The following ROBO1 variants were observed in gnomAD, a reference collection of about 807,000 sequenced individuals.
ROBO1 encodes roundabout guidance receptor 1, also known as roundabout homolog 1.
A neutral mutation model predicts 195.9 loss-of-function variants in ROBO1; 149 were observed. The ratio of observed to expected loss-of-function variants is 0.76; its 90% CI spans 0.67 to 0.87. ROBO1 has a LOEUF of 0.87. Among genes scored for constraint, ROBO1 ranks in the 40% least tolerant of loss-of-function variants. ROBO1 has a pLI of 0.00. For synonymous variants in ROBO1, 816 were observed against 733.2 expected (o/e 1.11, Z -1.82); for missense variants, 1,933 against 2,068.3 (o/e 0.93, Z 1.27).
At chr3:79,354,634 C>T (rs963007771) in intron 2 of ROBO1, among the ~76,000 whole-genome samples, 4 of 152,158 alleles carry the variant, frequency 2.6e-5, no homozygotes, top group African/African-American at 9.7e-5. Flanking sequence ...GCACCACTGG[C>T]CAACCTTTTA....
intron 1 of ROBO1, among the ~76,000 whole-genome samples, chr3:79,658,854 A>T (rs1946246778): frequency 6.6e-6 from 1 of 151,140 alleles, no homozygotes; most frequent in African/African-American, 2.4e-5. Context: ...CTGCAACCTC[A>T]GCTTCCCAAG....
intron 3 of ROBO1, among the ~76,000 whole-genome samples, chr3:79,088,608 TAAC>T (rs796906562): frequency 6.6e-6 from 1 of 152,264 alleles, no homozygotes; most frequent in South Asian, 2.1e-4. Flanking sequence ...TTTCTTTACT[TAAC>T]AACAAAAGGA....
At chr3:78,999,364 A>C (rs951069499) in intron 3 of ROBO1, among the ~76,000 whole-genome samples, 1 of 150,072 alleles carries the variant, frequency 6.7e-6, no homozygotes, top group Non-Finnish European at 1.5e-5. Context: ...ATGCAGCCAT[A>C]AAGAAGCATG....
chr3:79,634,163 A>G (rs772486163), intron 1 of ROBO1, among the ~76,000 whole-genome samples: 5 of 152,200 alleles, frequency 3.3e-5, no homozygotes, highest in African/African-American at 9.6e-5. Context: ...CAAATATACT[A>G]TCTGTCCCTC....
At chr3:78,619,778 G>A (rs1180758978) in intron 26 of ROBO1, among the ~76,000 whole-genome samples, 2 of 152,056 alleles carry the variant, frequency 1.3e-5, no homozygotes, top group Non-Finnish European at 2.9e-5. Flanking sequence ...AGCACTTTGA[G>A]AGGCTGAGGT....
chr3:79,234,647 AG>A (rs1320778799), intron 2 of ROBO1, among the ~76,000 whole-genome samples: 1 of 152,216 alleles, frequency 6.6e-6, no homozygotes, highest in Non-Finnish European at 1.5e-5. Context: ...AGCCATAAAA[AG>A]AATGAAATCA....
At chr3:79,061,898 T>C (rs1209057745) in intron 3 of ROBO1, among the ~76,000 whole-genome samples, 1 of 152,124 alleles carries the variant, frequency 6.6e-6, no homozygotes, top group East Asian at 1.9e-4. Context: ...ATAAAAACCC[T>C]AGAAGAAAAC....
chr3:79,474,699 G>A (rs907772876), intron 2 of ROBO1, among the ~76,000 whole-genome samples: 4 of 151,976 alleles, frequency 2.6e-5, no homozygotes, highest in African/African-American at 9.7e-5. Flanking sequence ...ACAATTTGTG[G>A]TACAAATAAG....
chr3:79,421,717 A>C (rs1041584954), intron 2 of ROBO1, among the ~76,000 whole-genome samples: 9 of 152,172 alleles, frequency 5.9e-5, no homozygotes, highest in Admixed American at 4.6e-4. Context: ...GGTAATTGAC[A>C]ATATTAAATG....
chr3:79,630,710 C>T (rs1373436385), intron 1 of ROBO1, among the ~76,000 whole-genome samples: 1 of 151,924 alleles, frequency 6.6e-6, no homozygotes, highest in African/African-American at 2.4e-5. Flanking sequence ...TTGCTTATGA[C>T]ATATTCTTAT....
chr3:79,210,540 A>G (rs1321988492), intron 2 of ROBO1, among the ~76,000 whole-genome samples: 1 of 152,148 alleles, frequency 6.6e-6, no homozygotes, highest in Non-Finnish European at 1.5e-5. Flanking sequence ...GAAGAACTAC[A>G]ATTTTCAGAG....
intron 4 of ROBO1, among the ~76,000 whole-genome samples, chr3:78,755,241 G>T (rs1235431400): frequency 6.6e-6 from 1 of 152,182 alleles, no homozygotes; most frequent in Non-Finnish European, 1.5e-5. Context: ...GCAGATGCTG[G>T]AGGATGGCCT....
intron 8 of ROBO1, among the ~76,000 whole-genome samples, chr3:78,695,349 G>A (rs1378638544): frequency 6.6e-6 from 1 of 152,086 alleles, no homozygotes; most frequent in Admixed American, 6.5e-5. Context: ...TTTTAGGCTG[G>A]GTGACGTGGC....
At chr3:79,541,918 A>T (rs1018616152) in intron 2 of ROBO1, among the ~76,000 whole-genome samples, 27 of 151,334 alleles carry the variant, frequency 1.8e-4, no homozygotes, top group Admixed American at 6.6e-5. Flanking sequence ...ATCATGTAAG[A>T]TCATTATATA....
chr3:79,123,470 CT>C (rs2080159016), intron 3 of ROBO1, among the ~76,000 whole-genome samples: 2 of 151,928 alleles, frequency 1.3e-5, no homozygotes, highest in East Asian at 3.8e-4. Flanking sequence ...ATTTTTTCTA[CT>C]TTATTGTTCT....
chr3:78,681,949 C>G (rs751268126), intron 10 of ROBO1, among the ~76,000 whole-genome samples: 9 of 152,080 alleles, frequency 5.9e-5, no homozygotes, highest in Admixed American at 3.3e-4. Flanking sequence ...GTGAGCAACA[C>G]AGTATTCAGA....
At chr3:79,296,335 T>C (rs2032598689) in intron 2 of ROBO1, among the ~76,000 whole-genome samples, 1 of 152,252 alleles carries the variant, frequency 6.6e-6, no homozygotes, top group Non-Finnish European at 1.5e-5. Flanking sequence ...CCATCTTTTA[T>C]ATAATTTCAC....
intron 2 of ROBO1, among the ~76,000 whole-genome samples, chr3:79,532,782 A>G (rs556819641): frequency 6.6e-6 from 1 of 152,314 alleles, no homozygotes; most frequent in East Asian, 1.9e-4. Flanking sequence ...AGCAAATATC[A>G]GGAGCAATTC....
At chr3:79,138,718 T>A (rs1450755247) in intron 2 of ROBO1, among the ~76,000 whole-genome samples, 1 of 151,776 alleles carries the variant, frequency 6.6e-6, no homozygotes, top group East Asian at 1.9e-4. Context: ...CTGAAAAAAA[T>A]TATAGTATGA....
Sources: allele counts gnomAD v4.1 joint callset (sites outside exome capture counted in the v4.1 genomes callset), GRCh38; gene constraint gnomAD v4.1.1; transcripts MANE v1.5; gene names NCBI Gene and HGNC (gene_info 2026-07-23, HGNC 2026-07-21).